The following RNLS variants were observed in gnomAD, a reference collection of about 807,000 sequenced individuals.
RNLS encodes the protein renalase.
In RNLS, 39 loss-of-function variants were observed where a neutral mutation model predicts 39.8. That is an observed-to-expected ratio of 0.98 (90% CI 0.76 to 1.28). The LOEUF is 1.28. Ranked by LOEUF, RNLS falls within the 50% of genes most tolerant of loss-of-function variation. RNLS has a pLI of 0.00. For missense variants in RNLS, 410 were observed against 413.3 expected, an observed-to-expected ratio of 0.99 and a Z score of 0.07; for synonymous variants, 147 against 150.7, an observed-to-expected ratio of 0.98 and a Z score of 0.18.
intron 4 of RNLS, among the ~76,000 whole-genome samples, chr10:88,431,856 T>G (rs529836466): frequency 1.3e-5 from 2 of 151,888 alleles, no homozygotes; most frequent in South Asian, 4.1e-4. Context: ...TCTTTTAAAG[T>G]TTACTGACAA....
chr10:88,307,044 C>T (rs1206824966), intron 6 of RNLS, among the ~76,000 whole-genome samples: 1 of 152,176 alleles, frequency 6.6e-6, no homozygotes, highest in Non-Finnish European at 1.5e-5. Context: ...TATGATTCAT[C>T]ATGTGAACAG....
At chr10:88,384,784 T>A (rs959598767) in intron 4 of RNLS, among the ~76,000 whole-genome samples, 3 of 152,228 alleles carry the variant, frequency 2.0e-5, no homozygotes, top group Non-Finnish European at 4.4e-5. Context: ...GCTTATGAAA[T>A]CTATGCTATT....
intron 6 of RNLS, among the ~76,000 whole-genome samples, chr10:88,278,991 T>C (rs932390617): frequency 2.0e-5 from 3 of 152,198 alleles, no homozygotes; most frequent in Non-Finnish European, 4.4e-5. Flanking sequence ...CCCACTTTTG[T>C]GGCTATTGCA....
chr10:88,182,679 GTA>G, the RNLS span, among the ~76,000 whole-genome samples: 59 of 152,016 alleles, frequency 3.9e-4, no homozygotes, highest in African/African-American at 1.4e-3. Context: ...ATGTATTTGT[GTA>G]TGTGTGTGTG....
chr10:88,200,932 T>C, the RNLS span, among the ~76,000 whole-genome samples: 5 of 152,058 alleles, frequency 3.3e-5, no homozygotes, highest in Admixed American at 2.0e-4. Context: ...ACTCTTTTTC[T>C]GAAACAGCCA....
intron 4 of RNLS, among the ~76,000 whole-genome samples, chr10:88,409,529 C>T (rs1272993316): frequency 6.6e-6 from 1 of 152,098 alleles, no homozygotes; most frequent in African/African-American, 2.4e-5. Flanking sequence ...TCTCCATTTT[C>T]CTACAAGAAA....
At position 88,514,480 on chromosome 10, in the gene RNLS, A is replaced by T. The variant is rs952632833; in HGVS notation, c.526+58423T>A. Reference sequence around the variant, plus strand: ...TTAAATGTACAATACAATATTGTTAACTAGAGGCACAATGCTGTACAGCCA... The same window carrying T: ...TTAAATGTACAATACAATATTGTTATCTAGAGGCACAATGCTGTACAGCCA... On this transcript the variant is annotated intron_variant, in intron 4 of 6. Transcript: ENST00000331772. Among the ~76,000 whole-genome samples, 10 of 152,230 alleles carry T rather than the reference A, an allele frequency of 6.6e-5. No individual in the cohort carries two copies. In the East Asian group the frequency reaches 1.4e-3, roughly 21 times the overall value.
chr10:88,565,534 T>G (rs1849442716), intron 4 of RNLS, among the ~76,000 whole-genome samples: 1 of 152,126 alleles, frequency 6.6e-6, no homozygotes, highest in South Asian at 2.1e-4. Flanking sequence ...ACAAAATGAT[T>G]TCCATGGGGG....
chr10:88,192,274 C>A, the RNLS span, among the ~76,000 whole-genome samples: 1 of 151,996 alleles, frequency 6.6e-6, no homozygotes, highest in Non-Finnish European at 1.5e-5. Flanking sequence ...ATCCTATCTG[C>A]CTTGTAGGTA....
rs1305444117 is a variant in RNLS, at chr10:88,424,012, G to A, written c.527-61287C>T. 2.6e-5 allele frequency among the ~76,000 whole-genome samples: 4 copies of A among 152,158 alleles called. 1 individual carries two copies. The highest frequency in any genetic ancestry group is 5.9e-5 in the Non-Finnish European group (4 of 68,024). ...ATGTCTTGTTTTTCTTATCTCTCAT[G>A]TAAAGTCTTGTCTCACCACCTCATT... On this transcript the variant is annotated intron_variant, in intron 4 of 6. Coordinates refer to ENST00000331772, the MANE Select transcript of RNLS (RefSeq NM_001031709.3).
rs376902238 is a variant in RNLS, at chr10:88,564,748, AG to A, written c.526+8154del. ...AAGTAGCACTATTATAGAATCAGAA[AG>A]TAAATCATAAGAGGGTCACAATATG... is the stretch of plus-strand genomic sequence containing the variant. On this transcript the variant is annotated intron_variant, in intron 4 of 6. Transcript: ENST00000331772. Among the ~76,000 whole-genome samples, 522 of 152,334 alleles carry A rather than the reference AG, an allele frequency of 3.4e-3. 5 individuals carry two copies. The highest frequency in any genetic ancestry group is 0.012 in the African/African-American group (493 of 41,576).
chr10:88,210,448 A>G, the RNLS span, among the ~76,000 whole-genome samples: 3 of 152,198 alleles, frequency 2.0e-5, no homozygotes, highest in African/African-American at 7.2e-5. Flanking sequence ...CTCTGAATGC[A>G]GAGCGAGGCT....
intron 4 of RNLS, among the ~76,000 whole-genome samples, chr10:88,545,701 AT>A (rs1232762479): frequency 1.3e-5 from 2 of 152,190 alleles, no homozygotes; most frequent in Admixed American, 1.3e-4. Flanking sequence ...GAAGAGTATA[AT>A]TCAGCATTAT....
chr10:88,187,145 A>C, the RNLS span, among the ~76,000 whole-genome samples: 11 of 141,060 alleles, frequency 7.8e-5, no homozygotes, highest in African/African-American at 2.6e-4. Context: ...CTGCTCAAAA[A>C]ATATATATAT....
intron 4 of RNLS, among the ~76,000 whole-genome samples, chr10:88,538,428 T>C (rs1238749250): frequency 6.6e-6 from 1 of 152,164 alleles, no homozygotes; most frequent in Non-Finnish European, 1.5e-5. Flanking sequence ...GAAAAGACAT[T>C]TCTGCCACTG....
In RNLS at chr10:88,310,824, A is replaced by AAAAAAAAAAAAAAAAAAAAAAAAAAG. The variant is rs1217903555; in HGVS notation, c.876+3641_876+3642insCTTTTTTTTTTTTTTTTTTTTTTTTT. Among the ~76,000 whole-genome samples, 185 of 113,368 alleles carry AAAAAAAAAAAAAAAAAAAAAAAAAAG rather than the reference A, an allele frequency of 1.6e-3. 18 individuals carry two copies. The highest frequency in any genetic ancestry group is 4.4e-3 in the Middle Eastern group (1 of 226). 74.4% of individuals were successfully genotyped at this position (113,368 alleles called of 152,430 possible). A position where few individuals can be genotyped will look rare whatever the true frequency, so the allele number is the denominator to read the frequency against. On this transcript the variant is annotated intron_variant, in intron 6 of 6. Coordinates refer to ENST00000331772, the MANE Select transcript of RNLS (RefSeq NM_001031709.3). Reference sequence around the variant, plus strand: ...GCCAAAAAAAAAAAAAAAAAAAAAAAAAAGAAAGAAAAGGAAGAGAAAAGG... The same window carrying AAAAAAAAAAAAAAAAAAAAAAAAAAG: ...GCCAAAAAAAAAAAAAAAAAAAAAAAAAAAAAAAAAAAAAAAAAAAAAAAAGAAAGAAAGAAAAGGAAGAGAAAAGG...
chr10:88,410,671 G>T (rs1391226616), intron 4 of RNLS, among the ~76,000 whole-genome samples: 2 of 152,110 alleles, frequency 1.3e-5, no homozygotes, highest in Non-Finnish European at 2.9e-5. Flanking sequence ...AGAGATATTA[G>T]TGTAGATCTC....
At chr10:88,535,799 A>G (rs757247851) in intron 4 of RNLS, among the ~76,000 whole-genome samples, 1 of 152,196 alleles carries the variant, frequency 6.6e-6, no homozygotes, top group Non-Finnish European at 1.5e-5. Flanking sequence ...GAGGAACCAC[A>G]GCTAGGATTC....
At chr10:88,257,043 CAA>C in the RNLS span, among the ~76,000 whole-genome samples, 45 of 146,412 alleles carry the variant, frequency 3.1e-4, no homozygotes, top group African/African-American at 3.5e-4. Flanking sequence ...TGTGTTGTGC[CAA>C]AAAAAAAAAA....
Sources: allele counts gnomAD v4.1 joint callset (sites outside exome capture counted in the v4.1 genomes callset), GRCh38; gene constraint gnomAD v4.1.1; transcripts MANE v1.5; gene names NCBI Gene and HGNC (gene_info 2026-07-23, HGNC 2026-07-21).